Variants in BCL10 observed in about 807,000 individuals in gnomAD.
BCL10 encodes the protein B-cell lymphoma/leukemia 10.
BCL10 carries 5 observed loss-of-function variants against 19.2 expected under a neutral mutation model. That is an observed-to-expected ratio of 0.26 (90% CI 0.14 to 0.55). The LOEUF is 0.55. BCL10 is among the 20% of genes least tolerant of loss of function. BCL10 has a pLI of 0.94. For missense variants in BCL10, 201 were observed against 271.9 expected (o/e 0.74, Z 1.83); for synonymous variants, 110 against 98.8 (o/e 1.11, Z -0.67).
rs1268648553 is a variant in BCL10 at position 85,276,333 on chromosome 1, G to C, written c.20C>G (p.Ser7Cys). 3 of 1,613,728 alleles carry C rather than the reference G, an allele frequency of 1.9e-6. No individual in the cohort carries two copies. Among genetic ancestry groups the C allele is most frequent in the Non-Finnish European group, 1.7e-6 (2 of 1,179,724 alleles). MEPTAP[S>C]LTEEDLTEVK... is the part of the protein sequence containing the mutation. ...TTCAGTGAGGTCCTCCTCGGTGAGGGACGGTGCGGTGGGCTCCATGGTGGA... is the reference window on the plus strand; with the variant it reads ...TTCAGTGAGGTCCTCCTCGGTGAGGCACGGTGCGGTGGGCTCCATGGTGGA... The change falls in exon 1 of 3, where the codon TCC becomes TGC. Residue 7 changes from serine (S) to cysteine (C), a missense_variant. Ser to Cys is a moderately radical substitution (Grantham distance 112). Transcript: ENST00000648566.
Position 85,267,646 on chromosome 1 carries a change from C to T in BCL10, c.683G>A (p.Arg228His), listed in dbSNP as rs1052221974. 4 of 1,600,878 alleles carry T rather than the reference C, an allele frequency of 2.5e-6. No individual in the cohort carries two copies. The highest frequency in any genetic ancestry group is 1.4e-5 in the African/African-American group (1 of 74,072). ...AAAGTGTCATTGTCGTGAAACAGTA[C>T]GTGATCTTAAGGGAAGAAACATCTC... is the stretch of plus-strand genomic sequence containing the variant. The part of the protein sequence containing the change: ...SSEMFLPLRS[R>H]TVSRQ Residue 228 changes from arginine to histidine, a missense_variant, in exon 3 of 3, where the codon CGT becomes CAT. Physicochemically the swap from Arg to His is conservative, Grantham distance 29 (BLOSUM62 0). Transcript: ENST00000648566.
chr1:85,267,953 G>T lies in BCL10; in HGVS notation c.376C>A (p.Pro126Thr). Residue 126 changes from proline (P) to threonine (T), a missense_variant, in exon 3 of 3, where the codon CCA becomes ACA. Physicochemically the swap from Pro to Thr is conservative, Grantham distance 38 (BLOSUM62 -1). This residue lies in a region of BCL10 where 126 missense variants were observed against 136.6 expected (regional missense o/e 0.92). Coordinates refer to ENST00000648566, the MANE Select transcript of BCL10 (RefSeq NM_003921.5). Reference protein sequence around the residue: ...GLKCSSCEPFPDGATNNLSRS... With the variant: ...GLKCSSCEPFTDGATNNLSRS... ...GAGAGGTTGTTCGTGGCTCCATCTGGAAAAGGTTCACAACTGCTACATTTT... is the reference window on the plus strand; with the variant it reads ...GAGAGGTTGTTCGTGGCTCCATCTGTAAAAGGTTCACAACTGCTACATTTT... The T allele has an allele frequency of 6.3e-7, 1 of 1,594,838 alleles. No homozygotes were observed. Among genetic ancestry groups the T allele is most frequent in the Non-Finnish European group, 8.5e-7 (1 of 1,169,874 alleles).
intron 2 of BCL10, among the ~76,000 whole-genome samples, chr1:85,269,207 C>T (rs185218472): frequency 6.6e-6 from 1 of 152,366 alleles, no homozygotes; most frequent in East Asian, 1.9e-4. Flanking sequence ...CTTAACCAGC[C>T]TCCAGAACTG....
intron 1 of BCL10, among the ~76,000 whole-genome samples, chr1:85,273,482 T>A (rs1557788453): frequency 2.6e-5 from 4 of 152,252 alleles, no homozygotes; most frequent in Non-Finnish European, 5.9e-5. Flanking sequence ...TAAAGGGTTT[T>A]ACACCATTTT....
chr1:85,276,394 C>T lies in BCL10; in HGVS notation c.-42G>A, dbSNP rs767631995. Reference sequence around the variant, plus strand: ...GGCGCTTCTTCCGGGTCCGGGAGCTCGGGCTGCGCCGCCCCGCCCTGGCTG... The same window carrying T: ...GGCGCTTCTTCCGGGTCCGGGAGCTTGGGCTGCGCCGCCCCGCCCTGGCTG... On this transcript the variant is annotated 5_prime_UTR_variant, in exon 1 of 3. Transcript: ENST00000648566. The T allele has an allele frequency of 2.3e-5, 37 of 1,606,786 alleles. No individual in the cohort carries two copies. In the Middle Eastern group the frequency reaches 5.3e-4, roughly 23 times the overall value.
chr1:85,272,273 C>G (rs992933165), intron 1 of BCL10, among the ~76,000 whole-genome samples: 6 of 152,208 alleles, frequency 3.9e-5, no homozygotes, highest in African/African-American at 1.4e-4. Flanking sequence ...ACTCTGTCAC[C>G]TAGGCTGGAG....
chr1:85,273,981 TC>T (rs1570338032), intron 1 of BCL10, among the ~76,000 whole-genome samples: 1 of 152,226 alleles, frequency 6.6e-6, no homozygotes, highest in African/African-American at 2.4e-5. Flanking sequence ...TCTGCCTTCC[TC>T]CGATTTCCCC....
chr1:85,276,260 G>A (rs772525331), intron 1 of BCL10, 36 bp downstream of exon 1: 17 of 1,370,618 alleles, frequency 1.2e-5, no homozygotes, highest in Non-Finnish European at 1.7e-5. Context: ...GCTGCAGCCC[G>A]CCCCCGCCCG....
chr1:85,274,066 T>C (rs12726649), intron 1 of BCL10, among the ~76,000 whole-genome samples: 20,957 of 152,244 alleles, frequency 0.14, 1,579 homozygotes, highest in South Asian at 0.22. Context: ...CCCTCAGTTC[T>C]GTCAAATCTT....
Position 85,276,420 on chromosome 1 carries a change from G to T in BCL10, c.-68C>A. 1 of 1,563,994 alleles carries T rather than the reference G, an allele frequency of 6.4e-7. No homozygotes were observed. Among genetic ancestry groups the T allele is most frequent in the Non-Finnish European group, 8.8e-7 (1 of 1,136,482 alleles). ...GGGCTGCGCCGCCCCGCCCTGGCTG[G>T]GGGCTTCGGCCTCCGGGTAATGGGG... On this transcript the variant is annotated 5_prime_UTR_variant, in exon 1 of 3. Coordinates refer to ENST00000648566, the MANE Select transcript of BCL10 (RefSeq NM_003921.5).
rs911597142 is a variant in BCL10, at chr1:85,276,453, A to G, written c.-101T>C. On this transcript the variant is annotated 5_prime_UTR_variant, in exon 1 of 3. Coordinates refer to ENST00000648566, the MANE Select transcript of BCL10 (RefSeq NM_003921.5). ...GGCCTCCGGGTAATGGGGAAGAAGG[A>G]GAGGAGGCGGAGCGGGTCGGGAGAA... The G allele has an allele frequency of 1.2e-5, 16 of 1,375,942 alleles. No individual in the cohort carries two copies. The highest frequency in any genetic ancestry group is 1.6e-5 in the Non-Finnish European group (16 of 974,134). The allele number at this position is 1,375,942 out of a possible 1,614,324, so 85.2% of individuals were successfully genotyped here.
chr1:85,268,562 G>GT (rs1660270487), intron 2 of BCL10, among the ~76,000 whole-genome samples: 1 of 152,118 alleles, frequency 6.6e-6, no homozygotes, highest in Non-Finnish European at 1.5e-5. Context: ...GAGGTCAGGA[G>GT]TTTGAGATCA....
chr1:85,276,246 C>T (rs748820858), intron 1 of BCL10, 50 bp downstream of exon 1: 10 of 1,586,106 alleles, frequency 6.3e-6, no homozygotes, highest in Non-Finnish European at 1.7e-6. Flanking sequence ...TCGTCTCCCG[C>T]TGGGCTGCAG....
chr1:85,276,286 C>A lies in BCL10; in HGVS notation c.57+10G>T, dbSNP rs529305659. The A allele has an allele frequency of 6.2e-7, 1 of 1,612,434 alleles. No homozygotes were observed. The highest frequency in any genetic ancestry group is 1.3e-5 in the African/African-American group (1 of 74,878). Reference sequence around the variant, plus strand: ...CCCCCGCCCGCCCTGGGCACAGCTGCGTTACTCACGTCCTTCTTCACTTCA... The same window carrying A: ...CCCCCGCCCGCCCTGGGCACAGCTGAGTTACTCACGTCCTTCTTCACTTCA... On this transcript the variant is annotated intron_variant, in intron 1 of 2. Transcript: ENST00000648566.
chr1:85,267,366 A>G lies in BCL10; in HGVS notation c.*261T>C. 2 of 366,850 alleles carry G rather than the reference A, an allele frequency of 5.5e-6. No individual in the cohort carries two copies. Among genetic ancestry groups the G allele is most frequent in the South Asian group, 5.8e-5 (1 of 17,300 alleles). 22.7% of individuals were successfully genotyped at this position (366,850 alleles called of 1,614,324 possible). On this transcript the variant is annotated 3_prime_UTR_variant, in exon 3 of 3. Transcript: ENST00000648566. ...TCCCTATTAAAATCAGTCTTAAAAT[A>G]GAAAATATTTAAAAAAGTACTGAAA... is the stretch of plus-strand genomic sequence containing the variant.
chr1:85,270,202 A>T (rs1660332186), intron 2 of BCL10, among the ~76,000 whole-genome samples: 1 of 152,266 alleles, frequency 6.6e-6, no homozygotes, highest in African/African-American at 2.4e-5. Context: ...AGTGTCAAAT[A>T]AGGTAAAATA....
rs1660238840 is a variant in BCL10, at chr1:85,267,678, G to A, written c.651C>T (p.Asn217=). 6.2e-7 allele frequency: 1 copy of A among 1,613,976 alleles called. No individual in the cohort carries two copies. Among genetic ancestry groups the A allele is most frequent in the East Asian group, 2.2e-5 (1 of 44,884 alleles). Residue 217 remains asparagine, a synonymous_variant, in exon 3 of 3, where the codon AAC becomes AAT. Transcript: ENST00000648566. ...LQLEEEGTCA[N]SSEMFLPLRS... ...TTAAGGGAAGAAACATCTCACTAGA[G>A]TTTGCACAAGTTCCTTCTTCTTCTA...
In BCL10 at chr1:85,266,350, T is replaced by G. The variant is rs1660189214; in HGVS notation, c.*1277A>C. The G allele has an allele frequency of 5.4e-6, 1 of 186,180 alleles. No individual in the cohort carries two copies. The highest frequency in any genetic ancestry group is 2.3e-5 in the African/African-American group (1 of 42,700). 11.5% of individuals were successfully genotyped at this position (186,180 alleles called of 1,614,324 possible). ...AGACAATGTCAGGAAACAGATAAAA[T>G]TGTAATTTAAATAAAAACAAACAGT... is the stretch of plus-strand genomic sequence containing the variant. On this transcript the variant is annotated 3_prime_UTR_variant, in exon 3 of 3. Coordinates refer to ENST00000648566, the MANE Select transcript of BCL10 (RefSeq NM_003921.5).
At chr1:85,273,007 T>C (rs183848056) in intron 1 of BCL10, among the ~76,000 whole-genome samples, 1 of 152,350 alleles carries the variant, frequency 6.6e-6, no homozygotes, top group East Asian at 1.9e-4. Flanking sequence ...TTACGTATTT[T>C]TTGTCTGCTT....
Sources: allele counts gnomAD v4.1 joint callset (sites outside exome capture counted in the v4.1 genomes callset), GRCh38; gene constraint gnomAD v4.1.1; regional missense constraint gnomAD v4.1.1; transcripts MANE v1.5; gene names NCBI Gene and HGNC (gene_info 2026-07-23, HGNC 2026-07-21).